The following ZRANB1 variants were observed in gnomAD, a reference collection of about 807,000 sequenced individuals.
The protein encoded by ZRANB1 is ubiquitin thioesterase ZRANB1.
Under a neutral mutation model 80.5 loss-of-function variants are expected in ZRANB1, and 16 were observed. The observed-to-expected ratio is 0.20, with a 90% CI of 0.13 to 0.30. The LOEUF is 0.30. ZRANB1 is among the 10% of genes least tolerant of loss of function. The pLI, the probability that ZRANB1 is intolerant of heterozygous loss-of-function variation, is 1.00. For synonymous variants in ZRANB1, 291 were observed against 293.1 expected (o/e 0.99, Z 0.07); for missense variants, 576 against 862.6 (o/e 0.67, Z 4.16).
At position 124,953,091 on chromosome 10, in the gene ZRANB1, A is replaced by ATT. The variant is rs368258624; in HGVS notation, c.814+9802_814+9803dup. ...AGGTGCACACCACTGTGCCTGGCTAATTTTTTTTTTTTTTTTTTTAAGTAG... is the reference window on the plus strand; with the variant it reads ...AGGTGCACACCACTGTGCCTGGCTAATTTTTTTTTTTTTTTTTTTTTAAGTAG... On this transcript the variant is annotated intron_variant, in intron 1 of 8. Transcript: ENST00000359653. Among the ~76,000 whole-genome samples the ATT allele has an allele frequency of 7.1e-3, 936 of 131,596 alleles. 8 individuals are homozygous for ATT. Among genetic ancestry groups the ATT allele is most frequent in the Admixed American group, 0.02 (257 of 12,764 alleles). The allele number at this position is 131,596 out of a possible 152,430, so 86.3% of individuals were successfully genotyped here. A position where few individuals can be genotyped will look rare whatever the true frequency, so the allele number is the denominator to read the frequency against.
At chr10:124,973,588 T>C (rs1951846689) in intron 3 of ZRANB1, 57 bp from the exon 4 acceptor site, 2 of 1,460,924 alleles carry the variant, frequency 1.4e-6, no homozygotes, top group African/African-American at 2.8e-5. Flanking sequence ...TAATTAAGTA[T>C]AAGTTAAGTG....
Position 124,942,534 on chromosome 10 carries a change from C to T in ZRANB1, c.41C>T (p.Thr14Met). ...RGIKWACEYCTYENWPSAIKC... is the reference protein window; with the variant it reads ...RGIKWACEYCMYENWPSAIKC... The stretch of plus-strand genomic sequence containing the variant: ...ATTAAGTGGGCTTGTGAATATTGTA[C>T]GTATGAAAACTGGCCATCTGCAATC... The change falls in exon 1 of 9, where the codon ACG becomes ATG. Residue 14 changes from threonine (T) to methionine (M), a missense_variant. Around this residue, in one of 3 missense-constraint regions of ZRANB1, gnomAD observed 411 missense variants for 583.1 expected, o/e 0.70. Transcript: ENST00000359653. 1.9e-6 allele frequency: 3 copies of T among 1,614,082 alleles called. No individual in the cohort carries two copies. The highest frequency in any genetic ancestry group is 1.7e-6 in the Non-Finnish European group (2 of 1,180,026).
intron 1 of ZRANB1, among the ~76,000 whole-genome samples, chr10:124,961,165 C>A (rs1951730897): frequency 6.6e-6 from 1 of 152,040 alleles, no homozygotes; most frequent in Non-Finnish European, 1.5e-5. Context: ...CCACGCCCGG[C>A]TAATTTTTTT....
chr10:124,939,842 C>G (rs980571289), upstream of ZRANB1, among the ~76,000 whole-genome samples: 2 of 152,040 alleles, frequency 1.3e-5, no homozygotes, highest in Admixed American at 6.6e-5. Context: ...TGTCTACTTT[C>G]TGGATGGTTA....
chr10:124,954,228 A>C (rs1951670052), intron 1 of ZRANB1, among the ~76,000 whole-genome samples: 1 of 137,210 alleles, frequency 7.3e-6, no homozygotes, highest in Admixed American at 8.5e-5. Context: ...TCAAGTGATC[A>C]GCCCGATTCA....
chr10:124,942,733 T>C lies in ZRANB1; in HGVS notation c.240T>C (p.Tyr80=). 3 of 1,614,242 alleles carry C rather than the reference T, an allele frequency of 1.9e-6. 1 individual carries two copies. In the South Asian group the frequency reaches 3.3e-5, roughly 18 times the overall value. The change falls in exon 1 of 9, where the codon TAT becomes TAC. Residue 80 remains tyrosine, a synonymous_variant. Coordinates refer to ENST00000359653, the MANE Select transcript of ZRANB1 (RefSeq NM_017580.3). ...CAAGACCAAGGGTGAAATCTTCGTA[T>C]AGCATGGAAAATGCAAATAAGTGGT... ...SSARPRVKSS[Y]SMENANKWSC...
the ZRANB1 span, among the ~76,000 whole-genome samples, chr10:124,925,583 T>C: frequency 6.6e-6 from 1 of 152,182 alleles, no homozygotes; most frequent in African/African-American, 2.4e-5. Context: ...AGCACAAAAG[T>C]TTTTAATTTG....
intron 1 of ZRANB1, among the ~76,000 whole-genome samples, chr10:124,947,321 G>A (rs979181515): frequency 3.3e-5 from 5 of 152,086 alleles, no homozygotes; most frequent in Admixed American, 6.6e-5. Flanking sequence ...TTTTTAGGGC[G>A]GTCATGTGAG....
intron 1 of ZRANB1, among the ~76,000 whole-genome samples, chr10:124,963,566 T>TTTTTTTTTTTTTG (rs1564962082): frequency 2.2e-5 from 3 of 134,194 alleles, no homozygotes; most frequent in South Asian, 2.3e-4. Context: ...TTTTTTTTTT[T>TTTTTTTTTTTTTG]TTTTTTTTTT....
chr10:124,930,939 A>T, the ZRANB1 span, among the ~76,000 whole-genome samples: 1 of 152,014 alleles, frequency 6.6e-6, no homozygotes, highest in African/African-American at 2.4e-5. Context: ...CTGAGGTGGG[A>T]GGATCACTTG....
At chr10:124,941,346 T>C (rs1372984020), upstream of ZRANB1, among the ~76,000 whole-genome samples, 1 of 152,154 alleles carries the variant, frequency 6.6e-6, no homozygotes, top group Non-Finnish European at 1.5e-5. Context: ...ATCTTTTAAA[T>C]ATGAATTGGA....
chr10:124,981,923 GT>G, intron 6 of ZRANB1, 94 bp downstream of exon 6: 2 of 1,497,912 alleles, frequency 1.3e-6, no homozygotes, highest in Non-Finnish European at 9.1e-7. Flanking sequence ...GGGCAATGTG[GT>G]CAAAGAAAAG....
At chr10:124,974,547 C>A in intron 5 of ZRANB1, 149 bp downstream of exon 5, 1 of 748,842 alleles carries the variant, frequency 1.3e-6, no homozygotes, top group Non-Finnish European at 2.1e-6. Context: ...ACTTTGAACA[C>A]GTCCATGGTT....
chr10:124,966,463 A>G (rs1564963045), intron 1 of ZRANB1, 131 bp from the exon 2 acceptor site: 2 of 866,390 alleles, frequency 2.3e-6, no homozygotes, highest in Non-Finnish European at 3.6e-6. Flanking sequence ...CTCTTATAGG[A>G]CATTTAAATG....
chr10:124,970,018 G>C (rs982438215), intron 2 of ZRANB1, among the ~76,000 whole-genome samples: 4 of 152,154 alleles, frequency 2.6e-5, no homozygotes, highest in African/African-American at 9.7e-5. Flanking sequence ...TTTTGGAAAG[G>C]GCCTGAGAGC....
At chr10:124,917,294 C>T in the ZRANB1 span, 1 of 152,140 alleles carries the variant, frequency 6.6e-6, no homozygotes, top group South Asian at 1.8e-4. Flanking sequence ...CCGGGGGGCG[C>T]CCCACCGCGG....
Position 124,946,193 on chromosome 10 carries a change from C to T in ZRANB1, c.814+2886C>T, listed in dbSNP as rs147662818. On this transcript the variant is annotated intron_variant, in intron 1 of 8. Coordinates refer to ENST00000359653, the MANE Select transcript of ZRANB1 (RefSeq NM_017580.3). ...CAGCACTTTGGGAGATTGAGTTGGG[C>T]GGGTCACCTGAGGTCGGGAGTTCGA... is the stretch of plus-strand genomic sequence containing the variant. 1,250 of 152,340 alleles carry T rather than the reference C, an allele frequency of 8.2e-3. 12 individuals carry two copies. The highest frequency in any genetic ancestry group is 8.8e-3 in the Non-Finnish European group (597 of 68,176). The allele number at this position is 152,340 out of a possible 1,614,324, so 9.4% of individuals were successfully genotyped here.
At chr10:124,954,608 C>A (rs1413491355) in intron 1 of ZRANB1, among the ~76,000 whole-genome samples, 1 of 150,168 alleles carries the variant, frequency 6.7e-6, no homozygotes, top group South Asian at 2.1e-4. Context: ...CCACCATGCC[C>A]GTCTAATTTT....
rs535358542 is a variant in ZRANB1, at chr10:124,963,825, CT to C, written c.815-2766del. On this transcript the variant is annotated intron_variant, in intron 1 of 8. Transcript: ENST00000359653. ...GAAATTTGATTTGTAATTTACTAAT[CT>C]TTGTAGCTGAAAATGTGCAATTCTT... 5.9e-5 allele frequency among the ~76,000 whole-genome samples: 9 copies of C among 152,220 alleles called. No individual in the cohort carries two copies. The South Asian group carries it at 1.9e-3, about 32-fold the overall frequency.
Sources: allele counts gnomAD v4.1 joint callset (sites outside exome capture counted in the v4.1 genomes callset), GRCh38; gene constraint gnomAD v4.1.1; regional missense constraint gnomAD v4.1.1; transcripts MANE v1.5; gene names NCBI Gene and HGNC (gene_info 2026-07-23, HGNC 2026-07-21).